AZIN2: variants seen among roughly 807,000 people sequenced by gnomAD.
The protein encoded by AZIN2 is antizyme inhibitor 2.
Under a neutral mutation model 47.8 loss-of-function variants are expected in AZIN2, and 28 were observed. The observed-to-expected ratio is 0.59, with a 90% confidence interval of 0.43 to 0.80. The LOEUF (loss-of-function observed/expected upper bound fraction) is 0.80. Among genes scored for constraint, AZIN2 ranks in the 30% least tolerant of loss-of-function variants. The probability of loss-of-function intolerance (pLI) is 0.00; values close to 1 mark genes in which losing one functional copy is unlikely to be tolerated. For missense variants in AZIN2, 535 were observed against 582.5 expected, an observed-to-expected ratio of 0.92 and a Z score of 0.84; for synonymous variants, 221 against 239.4, an observed-to-expected ratio of 0.92 and a Z score of 0.71.
At chr1:33,145,656 G>A in the AZIN2 span, 3 of 312,930 alleles carry the variant, frequency 9.6e-6, no homozygotes, top group Admixed American at 9.1e-5. Context: ...TAGGCCCCAG[G>A]ACTAGAAAGA....
the AZIN2 span, among the ~76,000 whole-genome samples, chr1:33,129,028 G>A: frequency 6.6e-6 from 1 of 152,222 alleles, no homozygotes; most frequent in African/African-American, 2.4e-5. This position sits in a 1 kb window ranked among gnomAD's most constrained non-coding sequence, Gnocchi z 4.1. Context: ...GTAGGAGTTG[G>A]CCAGGTAGAA....
chr1:33,133,887 C>G, the AZIN2 span, among the ~76,000 whole-genome samples: 5 of 152,232 alleles, frequency 3.3e-5, no homozygotes, highest in Non-Finnish European at 7.3e-5. Flanking sequence ...TGGGTACTTG[C>G]TTGTGGACCC....
In AZIN2 at chr1:33,120,330, T is replaced by C; in HGVS notation, c.*148T>C. The C allele has an allele frequency of 1.9e-6, 2 of 1,074,256 alleles. No individual in the cohort carries two copies. Among genetic ancestry groups the C allele is most frequent in the Non-Finnish European group, 2.6e-6 (2 of 757,208 alleles). 66.5% of individuals were successfully genotyped at this position (1,074,256 alleles called of 1,614,324 possible). A position where few individuals can be genotyped will look rare whatever the true frequency, so the allele number is the denominator to read the frequency against. Reference sequence around the variant, plus strand: ...CGCTCCACCTGCAGTGTTTCTGCCCTGTAAATAGGACCAGTCTTACACTCG... The same window carrying C: ...CGCTCCACCTGCAGTGTTTCTGCCCCGTAAATAGGACCAGTCTTACACTCG... On this transcript the variant is annotated 3_prime_UTR_variant, in exon 12 of 12. Transcript: ENST00000294517.
downstream of AZIN2, among the ~76,000 whole-genome samples, chr1:33,123,983 G>T (rs1644838945): frequency 6.6e-6 from 1 of 151,688 alleles, no homozygotes; most frequent in Non-Finnish European, 1.5e-5. Flanking sequence ...ATGACAGTGT[G>T]AGACTCCATC....
At chr1:33,158,047 G>A in the AZIN2 span, among the ~76,000 whole-genome samples, 122 of 152,272 alleles carry the variant, frequency 8.0e-4, 1 homozygote, top group African/African-American at 2.8e-3. Flanking sequence ...GAGCCACCAC[G>A]CCCAGCCATC....
At chr1:33,108,607 T>C (rs1644137373) in intron 10 of AZIN2, among the ~76,000 whole-genome samples, 2 of 152,252 alleles carry the variant, frequency 1.3e-5, no homozygotes, top group Middle Eastern at 3.4e-3. Context: ...CCTCCCAGAG[T>C]GCTGGGATTA....
chr1:33,141,400 A>G, the AZIN2 span, among the ~76,000 whole-genome samples: 1 of 152,108 alleles, frequency 6.6e-6, no homozygotes, highest in Non-Finnish European at 1.5e-5. Context: ...TTGAGTACTC[A>G]TCTCAGCTCC....
At chr1:33,130,737 A>G in the AZIN2 span, among the ~76,000 whole-genome samples, 1 of 152,246 alleles carries the variant, frequency 6.6e-6, no homozygotes, top group Non-Finnish European at 1.5e-5. Flanking sequence ...GTTAGGCAGC[A>G]ATAGATAACT....
the AZIN2 span, among the ~76,000 whole-genome samples, chr1:33,145,019 C>A: frequency 6.6e-6 from 1 of 152,204 alleles, no homozygotes; most frequent in Non-Finnish European, 1.5e-5. Context: ...GGTCATTTTT[C>A]TAAAGTCACA....
the AZIN2 span, among the ~76,000 whole-genome samples, chr1:33,154,344 T>G: frequency 6.6e-6 from 1 of 152,190 alleles, no homozygotes; most frequent in Non-Finnish European, 1.5e-5. Flanking sequence ...AGCTGCCACC[T>G]GCTCCATGTC....
In AZIN2 at chr1:33,084,028, G is replaced by C. The variant is rs1251451062; in HGVS notation, c.180G>C (p.Leu60=). 2 of 1,614,202 alleles carry C rather than the reference G, an allele frequency of 1.2e-6. No homozygotes were observed. The highest frequency in any genetic ancestry group is 1.7e-6 in the Non-Finnish European group (2 of 1,180,044). The change falls in exon 5 of 12, where the codon CTG becomes CTC. Residue 60 remains leucine, a synonymous_variant. Coordinates refer to ENST00000294517, the MANE Select transcript of AZIN2 (RefSeq NM_052998.4). ...AGCACTTTTGCTTTCTGAAGTGCCT[G>C]CCACGAGTCCGGCCCTTTTATGCTG... ...VRKHFCFLKC[L]PRVRPFYAVK...
At chr1:33,159,761 G>A in the AZIN2 span, 18 of 1,613,540 alleles carry the variant, frequency 1.1e-5, no homozygotes, top group Non-Finnish European at 1.5e-5. The surrounding 1 kb of genome is among the most constrained non-coding windows in gnomAD (Gnocchi z 4.2). Flanking sequence ...TGCAGGATCT[G>A]GGCTCCCTCC....
the AZIN2 span, among the ~76,000 whole-genome samples, chr1:33,131,779 A>G: frequency 6.6e-6 from 1 of 152,188 alleles, no homozygotes; most frequent in African/African-American, 2.4e-5. Context: ...TCTATTAAAT[A>G]TACCTCACAT....
chr1:33,130,513 T>A, the AZIN2 span, among the ~76,000 whole-genome samples: 72 of 152,284 alleles, frequency 4.7e-4, no homozygotes, highest in African/African-American at 1.6e-3. Context: ...TAGCAAGGAC[T>A]TGAGGACTTC....
Position 33,097,918 on chromosome 1 carries a change from G to A in AZIN2, c.917-149G>A, listed in dbSNP as rs569187689. 1.3e-5 allele frequency: 8 copies of A among 624,500 alleles called. No homozygotes were observed. In the African/African-American group the frequency reaches 1.5e-4, roughly 12 times the overall value. 38.7% of individuals were successfully genotyped at this position (624,500 alleles called of 1,614,324 possible). Reference sequence around the variant, plus strand: ...GTGAACCCATGTCATTGGAAGGATGGCTGCTGATGGCTTTTGTTGTAGGCC... The same window carrying A: ...GTGAACCCATGTCATTGGAAGGATGACTGCTGATGGCTTTTGTTGTAGGCC... On this transcript the variant is annotated intron_variant, in intron 9 of 11. Coordinates refer to ENST00000294517, the MANE Select transcript of AZIN2 (RefSeq NM_052998.4).
At chr1:33,133,619 T>C in the AZIN2 span, among the ~76,000 whole-genome samples, 1 of 152,152 alleles carries the variant, frequency 6.6e-6, no homozygotes, top group Non-Finnish European at 1.5e-5. Context: ...GCCAAAGGGA[T>C]GGGGCATCAG....
At chr1:33,126,106 C>T (rs913901127), downstream of AZIN2, among the ~76,000 whole-genome samples, 2 of 152,202 alleles carry the variant, frequency 1.3e-5, no homozygotes, top group Non-Finnish European at 2.9e-5. Flanking sequence ...ACATATTATA[C>T]ATTTCACTTA....
At chr1:33,146,264 T>C in the AZIN2 span, 2 of 201,712 alleles carry the variant, frequency 9.9e-6, no homozygotes, top group South Asian at 1.6e-4. Flanking sequence ...CTAACTGAGA[T>C]AGATGCCAAG....
chr1:33,165,458 C>A, the AZIN2 span: 1 of 1,580,924 alleles, frequency 6.3e-7, no homozygotes, highest in Non-Finnish European at 8.6e-7. This position sits in a 1 kb window ranked among gnomAD's most constrained non-coding sequence, Gnocchi z 4.0. Context: ...CTCCGCGCCC[C>A]GGCCAGGCTC....
Sources: gnomAD v4.1 joint callset for allele counts (sites outside exome capture counted in the v4.1 genomes callset) on GRCh38, gnomAD v4.1.1 for gene constraint, Gnocchi (gnomAD v3.1) non-coding constraint, MANE v1.5 for transcripts, NCBI Gene and HGNC (gene_info 2026-07-23, HGNC 2026-07-21) for gene names.